Variants in SCHIP1 observed in about 807,000 individuals in gnomAD.
SCHIP1 encodes the protein schwannomin interacting protein 1, also known as schwannomin-interacting protein 1.
In SCHIP1, 8 loss-of-function variants were observed where a neutral mutation model predicts 29.7. The observed-to-expected ratio is 0.27, with a 90% CI of 0.16 to 0.49. The LOEUF is 0.49. Among genes scored for constraint, SCHIP1 ranks in the 20% least tolerant of loss-of-function variants. The probability of loss-of-function intolerance (pLI) is 0.99; values close to 1 mark genes in which losing one functional copy is unlikely to be tolerated. For synonymous variants in SCHIP1, 76 were observed against 94.9 expected (o/e 0.80, Z 1.16); for missense variants, 193 against 294.6 (o/e 0.66, Z 2.52).
the SCHIP1 span, among the ~76,000 whole-genome samples, chr3:159,552,596 T>G: frequency 6.6e-6 from 1 of 152,220 alleles, no homozygotes; most frequent in Non-Finnish European, 1.5e-5. Context: ...TCTTTACATA[T>G]AGCCACCGTG....
chr3:159,493,880 A>G, the SCHIP1 span, among the ~76,000 whole-genome samples: 9 of 152,180 alleles, frequency 5.9e-5, no homozygotes, highest in East Asian at 9.7e-4. Flanking sequence ...AATGTAAAAG[A>G]ACAGAAATTA....
At chr3:159,839,105 CCA>C (rs370281353), upstream of SCHIP1, among the ~76,000 whole-genome samples, 1,042 of 151,988 alleles carry the variant, frequency 6.9e-3, 7 homozygotes, top group African/African-American at 0.024. Flanking sequence ...GAAACTGGCC[CCA>C]GTTTTTTCCC....
chr3:159,385,457 T>G, the SCHIP1 span, among the ~76,000 whole-genome samples: 1 of 151,866 alleles, frequency 6.6e-6, no homozygotes, highest in Admixed American at 6.6e-5. Context: ...CTCAGGAGGC[T>G]GAGGTATGAG....
At chr3:159,413,210 T>C in the SCHIP1 span, among the ~76,000 whole-genome samples, 1 of 152,154 alleles carries the variant, frequency 6.6e-6, no homozygotes, top group Non-Finnish European at 1.5e-5. Context: ...ATGTGGATTA[T>C]TAGAATTCAA....
At chr3:159,804,482 T>C in the SCHIP1 span, among the ~76,000 whole-genome samples, 2 of 152,198 alleles carry the variant, frequency 1.3e-5, no homozygotes, top group Non-Finnish European at 2.9e-5. Flanking sequence ...AGGCCATGAG[T>C]ATACAATGTC....
the SCHIP1 span, among the ~76,000 whole-genome samples, chr3:159,665,166 C>T: frequency 6.6e-6 from 1 of 152,150 alleles, no homozygotes; most frequent in African/African-American, 2.4e-5. Flanking sequence ...CAATTTAGGA[C>T]CAGGTTTAGA....
chr3:159,273,965 A>G, the SCHIP1 span: 5 of 1,557,906 alleles, frequency 3.2e-6, no homozygotes, highest in East Asian at 1.2e-4. Context: ...AAGTCGAACT[A>G]AGTAACTTTA....
At chr3:159,350,286 C>T in the SCHIP1 span, among the ~76,000 whole-genome samples, 1 of 152,144 alleles carries the variant, frequency 6.6e-6, no homozygotes, top group Non-Finnish European at 1.5e-5. Context: ...AGCCCACATT[C>T]ATTCCATCAC....
chr3:159,531,006 C>T, the SCHIP1 span, among the ~76,000 whole-genome samples: 1 of 152,240 alleles, frequency 6.6e-6, no homozygotes, highest in Non-Finnish European at 1.5e-5. Context: ...TCACTGCCAT[C>T]ATCCAGAGCC....
chr3:159,556,248 C>A, the SCHIP1 span, among the ~76,000 whole-genome samples: 1 of 152,022 alleles, frequency 6.6e-6, no homozygotes, highest in Non-Finnish European at 1.5e-5. Context: ...GAATGGCAAT[C>A]ATTAAAAAGT....
the SCHIP1 span, among the ~76,000 whole-genome samples, chr3:159,696,838 A>G: frequency 6.6e-6 from 1 of 152,158 alleles, no homozygotes; most frequent in Non-Finnish European, 1.5e-5. Context: ...TAGAAATGAG[A>G]GAGCACATGC....
the SCHIP1 span, among the ~76,000 whole-genome samples, chr3:159,773,584 A>C: frequency 1.3e-5 from 2 of 152,192 alleles, no homozygotes; most frequent in African/African-American, 2.4e-5. Flanking sequence ...GTACAGATCC[A>C]GTTTCATAAT....
the SCHIP1 span, chr3:159,273,736 G>C: frequency 6.4e-7 from 1 of 1,570,974 alleles, no homozygotes; most frequent in South Asian, 1.2e-5. Flanking sequence ...AGCTAACCCA[G>C]GTGACCCTTT....
the SCHIP1 span, among the ~76,000 whole-genome samples, chr3:159,807,074 C>T: frequency 6.6e-6 from 1 of 152,188 alleles, no homozygotes; most frequent in Non-Finnish European, 1.5e-5. Flanking sequence ...ATTAGTTCTA[C>T]ATTTCAGTTG....
At chr3:159,564,832 T>C in the SCHIP1 span, among the ~76,000 whole-genome samples, 1 of 152,236 alleles carries the variant, frequency 6.6e-6, no homozygotes, top group South Asian at 2.1e-4. Context: ...AATATCCCAT[T>C]GAATGATTAT....
At chr3:159,834,191 TC>T in the SCHIP1 span, among the ~76,000 whole-genome samples, 1 of 152,244 alleles carries the variant, frequency 6.6e-6, no homozygotes, top group Non-Finnish European at 1.5e-5. Flanking sequence ...AGGTACTATG[TC>T]AGACATTGGG....
At chr3:159,372,699 T>C in the SCHIP1 span, among the ~76,000 whole-genome samples, 2 of 152,128 alleles carry the variant, frequency 1.3e-5, no homozygotes. Context: ...AGGGTTTTTC[T>C]CTTTAAAACA....
At chr3:159,479,921 G>A in the SCHIP1 span, among the ~76,000 whole-genome samples, 2 of 152,136 alleles carry the variant, frequency 1.3e-5, no homozygotes, top group South Asian at 2.1e-4. Context: ...TAATGAAGAC[G>A]TTATTTCTAG....
At chr3:159,395,530 C>T in the SCHIP1 span, among the ~76,000 whole-genome samples, 1,231 of 151,576 alleles carry the variant, frequency 8.1e-3, 16 homozygotes, top group African/African-American at 0.028. Flanking sequence ...TCTTTGTTCT[C>T]GTTGGTTTCA....
Sources: gnomAD v4.1 joint callset for allele counts (sites outside exome capture counted in the v4.1 genomes callset) on GRCh38, gnomAD v4.1.1 for gene constraint, MANE v1.5 for transcripts, NCBI Gene and HGNC (gene_info 2026-07-23, HGNC 2026-07-21) for gene names.